The following GMDS variants were observed in gnomAD, a reference collection of about 807,000 sequenced individuals.
GMDS encodes GDP-mannose 4,6 dehydratase.
Under a neutral mutation model 49.9 loss-of-function variants are expected in GMDS, and 20 were observed. The ratio of observed to expected loss-of-function variants is 0.40; its 90% confidence interval spans 0.28 to 0.58. The LOEUF (loss-of-function observed/expected upper bound fraction) is 0.58. Ranked by LOEUF, GMDS falls within the 20% of genes least tolerant of loss-of-function variation. GMDS has a pLI of 0.42. For synonymous variants in GMDS, 177 were observed against 178.6 expected (o/e 0.99, Z 0.07); for missense variants, 362 against 481.4 (o/e 0.75, Z 2.32).
intron 4 of GMDS, among the ~76,000 whole-genome samples, chr6:2,047,020 C>A (rs1770059653): frequency 6.6e-6 from 1 of 152,112 alleles, no homozygotes; most frequent in Non-Finnish European, 1.5e-5. Flanking sequence ...AGCACAGAAG[C>A]AGATTCATAC....
At chr6:1,668,278 G>C (rs1031427775) in intron 9 of GMDS, among the ~76,000 whole-genome samples, 2 of 152,100 alleles carry the variant, frequency 1.3e-5, no homozygotes, top group African/African-American at 4.8e-5. Flanking sequence ...GCTAAAATAG[G>C]ATACTGGAGA....
At chr6:1,842,079 T>C (rs1433778253) in intron 7 of GMDS, among the ~76,000 whole-genome samples, 1 of 152,158 alleles carries the variant, frequency 6.6e-6, no homozygotes, top group Non-Finnish European at 1.5e-5. Context: ...TACTCACAGT[T>C]CCCTCTCAAA....
intron 7 of GMDS, among the ~76,000 whole-genome samples, chr6:1,877,001 G>T (rs775285950): frequency 1.3e-5 from 2 of 152,196 alleles, no homozygotes; most frequent in African/African-American, 2.4e-5. Flanking sequence ...GCTCTCAGAA[G>T]TTCTGGCTCT....
chr6:1,837,224 T>A (rs1756964584), intron 7 of GMDS, among the ~76,000 whole-genome samples: 2 of 152,158 alleles, frequency 1.3e-5, no homozygotes, highest in Non-Finnish European at 2.9e-5. Flanking sequence ...TTCTTAAATG[T>A]TTATTATAAT....
chr6:2,114,876 A>G (rs966474054), intron 4 of GMDS, among the ~76,000 whole-genome samples: 1 of 152,180 alleles, frequency 6.6e-6, no homozygotes, highest in African/African-American at 2.4e-5. Flanking sequence ...AAACATGGGG[A>G]TACAGAAAAA....
chr6:1,644,103 G>T (rs954043807), intron 9 of GMDS, among the ~76,000 whole-genome samples: 11 of 152,144 alleles, frequency 7.2e-5, no homozygotes, highest in Non-Finnish European at 1.5e-5. Context: ...AGGAACCCCC[G>T]GTCTGAGGTA....
At chr6:2,140,015 G>T (rs990040979) in intron 1 of GMDS, among the ~76,000 whole-genome samples, 2 of 152,168 alleles carry the variant, frequency 1.3e-5, no homozygotes, top group Non-Finnish European at 2.9e-5. Flanking sequence ...CAGGTAAAGT[G>T]AGTCAGCTGT....
chr6:1,945,937 AACTAAAC>A (rs1262775275), intron 6 of GMDS, among the ~76,000 whole-genome samples: 1 of 152,180 alleles, frequency 6.6e-6, no homozygotes, highest in Non-Finnish European at 1.5e-5. Context: ...AGTGTCTATA[AACTAAAC>A]ACCATGAAAC....
At chr6:2,199,592 T>C (rs1779416564) in intron 1 of GMDS, among the ~76,000 whole-genome samples, 1 of 152,206 alleles carries the variant, frequency 6.6e-6, no homozygotes, top group African/African-American at 2.4e-5. Context: ...GGCGCCATCT[T>C]TTCCACTGCC....
intron 9 of GMDS, among the ~76,000 whole-genome samples, chr6:1,712,655 T>C (rs1766014683): frequency 6.6e-6 from 1 of 152,150 alleles, no homozygotes; most frequent in South Asian, 2.1e-4. Context: ...ATGTCTCTGA[T>C]GCTGACCACA....
intron 7 of GMDS, among the ~76,000 whole-genome samples, chr6:1,776,592 T>A (rs1021340409): frequency 8.6e-5 from 13 of 151,738 alleles, no homozygotes; most frequent in Admixed American, 3.9e-4. Flanking sequence ...CTCAGGAGGA[T>A]CACTCTGAGC....
At chr6:1,963,348 G>A (rs530073233) in intron 4 of GMDS, among the ~76,000 whole-genome samples, 2 of 152,258 alleles carry the variant, frequency 1.3e-5, no homozygotes, top group African/African-American at 4.8e-5. Flanking sequence ...GTACAGTGCT[G>A]GGCTAATGTC....
At chr6:1,740,051 G>A (rs542697329) in intron 8 of GMDS, among the ~76,000 whole-genome samples, 1 of 152,254 alleles carries the variant, frequency 6.6e-6, no homozygotes, top group Admixed American at 6.5e-5. Context: ...TGTCATGTTT[G>A]ATTCCTACAG....
intron 7 of GMDS, among the ~76,000 whole-genome samples, chr6:1,905,965 T>C (rs1009902014): frequency 1.9e-4 from 29 of 152,262 alleles, no homozygotes; most frequent in African/African-American, 7.0e-4. Flanking sequence ...CCAAGCCATC[T>C]GACATGCTCA....
At chr6:2,048,396 A>G (rs1770157498) in intron 4 of GMDS, among the ~76,000 whole-genome samples, 1 of 152,240 alleles carries the variant, frequency 6.6e-6, no homozygotes, top group Non-Finnish European at 1.5e-5. Context: ...ACTGGTCTAT[A>G]TGTTACTCTC....
At chr6:1,710,753 T>C (rs1581492112) in intron 9 of GMDS, among the ~76,000 whole-genome samples, 2 of 152,170 alleles carry the variant, frequency 1.3e-5, no homozygotes, top group African/African-American at 4.8e-5. Flanking sequence ...AATGTCCAGG[T>C]CCTAAGCACA....
At chr6:2,030,686 A>AT (rs927786472) in intron 4 of GMDS, among the ~76,000 whole-genome samples, 28 of 152,140 alleles carry the variant, frequency 1.8e-4, no homozygotes, top group Middle Eastern at 3.4e-3. Context: ...AAGGTAACAG[A>AT]TTTTTTTTAA....
chr6:1,753,115 T>C (rs900843432), intron 7 of GMDS, among the ~76,000 whole-genome samples: 1 of 152,094 alleles, frequency 6.6e-6, no homozygotes, highest in Non-Finnish European at 1.5e-5. Context: ...TCAAGACCCA[T>C]CGGTGTGCTG....
chr6:2,019,670 G>A (rs780176884), intron 4 of GMDS, among the ~76,000 whole-genome samples: 4 of 151,992 alleles, frequency 2.6e-5, no homozygotes, highest in Non-Finnish European at 5.9e-5. Context: ...GGCTGGTCTC[G>A]AACCCTTGAC....
Sources: gnomAD v4.1 joint callset for allele counts (sites outside exome capture counted in the v4.1 genomes callset) on GRCh38, gnomAD v4.1.1 for gene constraint, MANE v1.5 for transcripts, NCBI Gene and HGNC (gene_info 2026-07-23, HGNC 2026-07-21) for gene names.